The following SLCO3A1 variants were observed in gnomAD, a reference collection of about 807,000 sequenced individuals.
SLCO3A1 encodes PGE1 transporter.
Under a neutral mutation model 63.1 loss-of-function variants are expected in SLCO3A1, and 27 were observed. The ratio of observed to expected loss-of-function variants is 0.43; its 90% CI spans 0.32 to 0.59. SLCO3A1 has a LOEUF of 0.59. Among genes scored for constraint, SLCO3A1 ranks in the 20% least tolerant of loss-of-function variants. SLCO3A1 has a pLI of 0.09. For synonymous variants in SLCO3A1, 473 were observed against 409.9 expected (o/e 1.15, Z -1.86); for missense variants, 773 against 945.8 (o/e 0.82, Z 2.40).
intron 2 of SLCO3A1, among the ~76,000 whole-genome samples, chr15:92,032,520 G>T (rs2046665217): frequency 6.6e-6 from 1 of 152,170 alleles, no homozygotes; most frequent in South Asian, 2.1e-4. Flanking sequence ...GGTCGGTGCT[G>T]AAGCTGGAAG....
rs145216158 is a variant in SLCO3A1 at position 91,936,852 on chromosome 15, C to G, written c.646+20394C>G. 3.5e-3 allele frequency among the ~76,000 whole-genome samples: 533 copies of G among 152,176 alleles called. 4 individuals carry two copies. The highest frequency in any genetic ancestry group is 0.013 in the African/African-American group (519 of 41,506). Reference sequence around the variant, plus strand: ...GCCCCCAGGAGGACATTCCTGAGTTCGATATTCTGTCCTGTTTCTCTCGTA... The same window carrying G: ...GCCCCCAGGAGGACATTCCTGAGTTGGATATTCTGTCCTGTTTCTCTCGTA... On this transcript the variant is annotated intron_variant, in intron 2 of 9. Transcript: ENST00000318445.
intron 2 of SLCO3A1, among the ~76,000 whole-genome samples, chr15:91,931,364 C>T (rs1282427736): frequency 1.3e-5 from 2 of 152,042 alleles, no homozygotes; most frequent in African/African-American, 2.4e-5. Context: ...CAGAATTTGC[C>T]GAGGTTCACA....
chr15:91,963,408 T>TCG (rs1555418587), intron 2 of SLCO3A1, among the ~76,000 whole-genome samples: 1 of 22,914 alleles, frequency 4.4e-5, no homozygotes, highest in East Asian at 4.4e-3. Context: ...TCGGGGAGGG[T>TCG]GGGGGGGGGG....
chr15:92,048,648 C>T (rs2046919573), intron 2 of SLCO3A1, among the ~76,000 whole-genome samples: 1 of 152,162 alleles, frequency 6.6e-6, no homozygotes, highest in Non-Finnish European at 1.5e-5. Context: ...CATTAGGAAC[C>T]ACTGCTTTGG....
At chr15:91,870,676 C>T (rs915872771) in intron 1 of SLCO3A1, among the ~76,000 whole-genome samples, 1 of 152,130 alleles carries the variant, frequency 6.6e-6, no homozygotes, top group Non-Finnish European at 1.5e-5. Flanking sequence ...TGTCTTTGAA[C>T]TCCATAGTTG....
Position 91,860,846 on chromosome 15 carries a change from G to A in SLCO3A1, c.180+6758G>A, listed in dbSNP as rs1166704070. Among the ~76,000 whole-genome samples, 2 of 152,162 alleles carry A rather than the reference G, an allele frequency of 1.3e-5. No individual in the cohort carries two copies. Among genetic ancestry groups the A allele is most frequent in the Non-Finnish European group, 2.9e-5 (2 of 68,040 alleles). ...TGGACTCTGGCAAGCAGGTCTGTGG[G>A]CATTTCCCCACGCTTGGTCTTTTTT... On this transcript the variant is annotated intron_variant, in intron 1 of 9. Transcript: ENST00000318445. The surrounding 1 kb of genome is among the most constrained non-coding windows in gnomAD (Gnocchi z 5.5).
At position 91,862,367 on chromosome 15, in the gene SLCO3A1, G is replaced by A. The variant is rs980106400; in HGVS notation, c.180+8279G>A. Among the ~76,000 whole-genome samples the A allele has an allele frequency of 1.3e-5, 2 of 151,962 alleles. No individual in the cohort carries two copies. Among genetic ancestry groups the A allele is most frequent in the African/African-American group, 4.8e-5 (2 of 41,362 alleles). ...GACGGGGTTTCACCATGTTGGCCAG[G>A]GTGGTCTCGAACTCCTGACCTCAAG... is the stretch of plus-strand genomic sequence containing the variant. On this transcript the variant is annotated intron_variant, in intron 1 of 9. Transcript: ENST00000318445. The surrounding 1 kb of genome is among the most constrained non-coding windows in gnomAD (Gnocchi z 4.0).
chr15:91,936,681 C>T (rs1899425843), intron 2 of SLCO3A1, among the ~76,000 whole-genome samples: 1 of 152,222 alleles, frequency 6.6e-6, no homozygotes, highest in African/African-American at 2.4e-5. Flanking sequence ...GAAGCCCTTG[C>T]AGATACATAG....
intron 1 of SLCO3A1, among the ~76,000 whole-genome samples, chr15:91,879,086 A>G (rs768718504): frequency 6.6e-6 from 1 of 152,214 alleles, no homozygotes; most frequent in African/African-American, 2.4e-5. Context: ...TTCTACCCAC[A>G]TGCAAATTCT....
chr15:91,870,583 A>G (rs1274391793), intron 1 of SLCO3A1, among the ~76,000 whole-genome samples: 5 of 152,150 alleles, frequency 3.3e-5, no homozygotes, highest in Non-Finnish European at 5.9e-5. Context: ...TTTTGGGAGA[A>G]TTTCTTTGTA....
chr15:91,901,830 G>A (rs1380901217), intron 1 of SLCO3A1, among the ~76,000 whole-genome samples: 1 of 152,008 alleles, frequency 6.6e-6, no homozygotes, highest in Admixed American at 6.6e-5. Context: ...CTTCTTTGGG[G>A]TTCTTTGAGC....
At chr15:92,162,158 T>G (rs1481502488) in intron 9 of SLCO3A1, 1 of 109,910 alleles carries the variant, frequency 9.1e-6, no homozygotes, top group African/African-American at 4.0e-5. Context: ...TTTTTTTTTT[T>G]GAGATGGAGT....
At chr15:92,041,475 A>C (rs2046795531) in intron 2 of SLCO3A1, among the ~76,000 whole-genome samples, 1 of 152,180 alleles carries the variant, frequency 6.6e-6, no homozygotes, top group Non-Finnish European at 1.5e-5. Context: ...TAAGTTATGC[A>C]GTTTTTTTGT....
At chr15:92,145,972 G>C (rs566843495) in intron 7 of SLCO3A1, among the ~76,000 whole-genome samples, 2 of 152,148 alleles carry the variant, frequency 1.3e-5, no homozygotes, top group South Asian at 4.2e-4. Context: ...CTATCTCTGT[G>C]TTCTGTGGGG....
At chr15:92,128,603 C>T in intron 7 of SLCO3A1, 114 bp downstream of exon 7, 2 of 902,432 alleles carry the variant, frequency 2.2e-6, no homozygotes, top group Non-Finnish European at 3.3e-6. Context: ...TAGCTGTTGC[C>T]TTGCTGTAGT....
intron 1 of SLCO3A1, among the ~76,000 whole-genome samples, chr15:91,864,694 C>A (rs1402868784): frequency 2.0e-5 from 3 of 152,078 alleles, no homozygotes; most frequent in African/African-American, 7.2e-5. Flanking sequence ...TTGTGGCACC[C>A]AAGGCTATCA....
At position 92,133,442 on chromosome 15, in the gene SLCO3A1, G is replaced by A. The variant is rs747286559; in HGVS notation, c.1512+4953G>A. 1.8e-4 allele frequency among the ~76,000 whole-genome samples: 26 copies of A among 146,088 alleles called. 2 individuals carry two copies. The highest frequency in any genetic ancestry group is 2.9e-4 in the Non-Finnish European group (19 of 65,150). ...ACATCTAGCACCAGTGCCAGTCTGC[G>A]GTACTGGTACTGTTGGGAACTGGGC... On this transcript the variant is annotated intron_variant, in intron 7 of 9. Coordinates refer to ENST00000318445, the MANE Select transcript of SLCO3A1 (RefSeq NM_013272.4).
intron 2 of SLCO3A1, among the ~76,000 whole-genome samples, chr15:91,998,035 A>G (rs1360209427): frequency 1.3e-5 from 2 of 152,256 alleles, no homozygotes; most frequent in Admixed American, 1.3e-4. Flanking sequence ...AAAAGAAACT[A>G]TCAATAGAGT....
chr15:92,104,615 G>T, intron 4 of SLCO3A1, 73 bp downstream of exon 4: 1 of 1,489,238 alleles, frequency 6.7e-7, no homozygotes, highest in Non-Finnish European at 9.0e-7. Context: ...TGAAGGGGTG[G>T]CACCCAGGAC....
Sources: allele counts gnomAD v4.1 joint callset (sites outside exome capture counted in the v4.1 genomes callset), GRCh38; gene constraint gnomAD v4.1.1; non-coding constraint Gnocchi (gnomAD v3.1); transcripts MANE v1.5; gene names NCBI Gene and HGNC (gene_info 2026-07-23, HGNC 2026-07-21).